The following GSK3B variants were observed in gnomAD, a reference collection of about 807,000 sequenced individuals.
GSK3B encodes glycogen synthase kinase-3 beta.
In GSK3B, 15 loss-of-function variants were observed where a neutral mutation model predicts 56.4. That is an observed-to-expected ratio of 0.27 (90% CI 0.18 to 0.41). The LOEUF is 0.41. Ranked by LOEUF, GSK3B falls within the 10% of genes least tolerant of loss-of-function variation. GSK3B has a pLI of 1.00. For synonymous variants in GSK3B, 181 were observed against 188.9 expected (o/e 0.96, Z 0.34); for missense variants, 300 against 513.4 (o/e 0.58, Z 4.02).
intron 2 of GSK3B, among the ~76,000 whole-genome samples, chr3:119,961,637 A>C (rs1363305516): frequency 6.6e-6 from 1 of 151,164 alleles, no homozygotes; most frequent in Middle Eastern, 3.2e-3. Flanking sequence ...ACAAACAAAA[A>C]AAAAAAAAAA....
chr3:119,843,229 A>G, intron 10 of GSK3B, 26 bp downstream of exon 10: 1 of 1,472,082 alleles, frequency 6.8e-7, no homozygotes, highest in Non-Finnish European at 9.4e-7. Context: ...ATATGTTTTT[A>G]TAGAAGAGAC....
intron 6 of GSK3B, among the ~76,000 whole-genome samples, chr3:119,907,442 G>T (rs2056693750): frequency 6.6e-6 from 1 of 152,114 alleles, no homozygotes; most frequent in African/African-American, 2.4e-5. Context: ...TATACTAGCA[G>T]CCCTCAATTC....
intron 1 of GSK3B, among the ~76,000 whole-genome samples, chr3:120,060,404 T>C (rs2058226714): frequency 6.6e-6 from 1 of 152,092 alleles, no homozygotes; most frequent in Non-Finnish European, 1.5e-5. Flanking sequence ...GGAACAAATT[T>C]CTTCAATTCT....
chr3:119,911,332 C>T (rs1402529015), intron 6 of GSK3B, among the ~76,000 whole-genome samples: 1 of 152,180 alleles, frequency 6.6e-6, no homozygotes, highest in Non-Finnish European at 1.5e-5. Flanking sequence ...AACAGATGTG[C>T]TATCATCCAC....
At chr3:120,079,639 C>T (rs1000810916) in intron 1 of GSK3B, among the ~76,000 whole-genome samples, 1 of 152,210 alleles carries the variant, frequency 6.6e-6, no homozygotes, top group Middle Eastern at 3.4e-3. Flanking sequence ...AAGTGATCCA[C>T]CCATCTCAAC....
rs1420099632 is a variant in GSK3B at position 119,876,467 on chromosome 3, G to A, written c.855C>T (p.Asn285=). 1.2e-6 allele frequency: 2 copies of A among 1,609,888 alleles called. No individual in the cohort carries two copies. Among genetic ancestry groups the A allele is most frequent in the Non-Finnish European group, 1.7e-6 (2 of 1,176,472 alleles). ...GGAATTTAAATTCTGTGTAGTTTGG[G>A]TTCATTTCTCTGATTTGCTCCCTTG... ...TPTREQIREM[N]PNYTEFKFPQ... The change falls in exon 8 of 11, where the codon AAC becomes AAT. Residue 285 remains asparagine (N), a synonymous_variant. Transcript: ENST00000264235.
chr3:119,938,330 A>G (rs2057015635), intron 3 of GSK3B, among the ~76,000 whole-genome samples: 1 of 152,122 alleles, frequency 6.6e-6, no homozygotes, highest in Admixed American at 6.5e-5. Context: ...CAAAAAAGAA[A>G]AATTACCAAC....
chr3:119,826,937 G>A, intron 10 of GSK3B, 82 bp from the exon 11 acceptor site: 1 of 837,862 alleles, frequency 1.2e-6, no homozygotes, highest in South Asian at 1.5e-5. Flanking sequence ...TCAACTGCAG[G>A]CTGTGAACTG....
At position 119,825,667 on chromosome 3, in the gene GSK3B, C is replaced by A. The variant is rs572310715; in HGVS notation, c.*1121G>T. The A allele has an allele frequency of 2.6e-5, 6 of 227,052 alleles. No homozygotes were observed. The highest frequency in any genetic ancestry group is 2.3e-4 in the Admixed American group (4 of 17,568). The allele number at this position is 227,052 out of a possible 1,614,324, so 14.1% of individuals were successfully genotyped here. ...ATGAGGTTAAAAAACAAATTAAATA[C>A]AGATTCTAGATTTGGATTTAAAATT... On this transcript the variant is annotated 3_prime_UTR_variant, in exon 11 of 11. Coordinates refer to ENST00000264235, the MANE Select transcript of GSK3B (RefSeq NM_001146156.2).
At chr3:119,905,614 C>T in intron 7 of GSK3B, 141 bp downstream of exon 7, 1 of 643,528 alleles carries the variant, frequency 1.6e-6, no homozygotes, top group Non-Finnish European at 2.8e-6. Flanking sequence ...CTTATACCCA[C>T]TTTATAGCTG....
intron 10 of GSK3B, among the ~76,000 whole-genome samples, chr3:119,838,931 T>TA (rs1299508979): frequency 1.3e-5 from 2 of 152,064 alleles, no homozygotes; most frequent in African/African-American, 2.4e-5. Context: ...TCAGCTCACA[T>TA]ACAGTTGCAG....
chr3:119,832,280 G>C (rs1437138514), intron 10 of GSK3B, among the ~76,000 whole-genome samples: 3 of 152,240 alleles, frequency 2.0e-5, no homozygotes, highest in African/African-American at 7.2e-5. Context: ...ACATGAATGA[G>C]AGCCACTGTG....
intron 3 of GSK3B, among the ~76,000 whole-genome samples, chr3:119,946,766 T>C (rs1392929785): frequency 6.6e-6 from 1 of 152,188 alleles, no homozygotes; most frequent in Non-Finnish European, 1.5e-5. Flanking sequence ...TAGGGATCAC[T>C]TAAAGTAAGC....
At chr3:119,922,771 C>T (rs1206061864) in intron 4 of GSK3B, among the ~76,000 whole-genome samples, 1 of 151,902 alleles carries the variant, frequency 6.6e-6, no homozygotes, top group East Asian at 1.9e-4. Context: ...TTTCACAATG[C>T]CATAGTTAAT....
At chr3:119,884,322 A>G (rs1237171382) in intron 7 of GSK3B, among the ~76,000 whole-genome samples, 3 of 152,196 alleles carry the variant, frequency 2.0e-5, no homozygotes, top group African/African-American at 7.2e-5. Context: ...TCACGGGAAG[A>G]GCAAGCCGAC....
At chr3:119,934,692 T>C (rs987904362) in intron 3 of GSK3B, among the ~76,000 whole-genome samples, 1 of 152,144 alleles carries the variant, frequency 6.6e-6, no homozygotes, top group Admixed American at 6.5e-5. Flanking sequence ...ATCTTAACAA[T>C]AGGGGAAACT....
In GSK3B at chr3:119,843,959, A is replaced by G. The variant is rs182632021; in HGVS notation, c.1097-606T>C. 7.5e-4 allele frequency among the ~76,000 whole-genome samples: 114 copies of G among 152,310 alleles called. No individual in the cohort carries two copies. The East Asian group carries it at 0.02, about 27-fold the overall frequency. ...CCTCAGCAAATGCCAAAGAACAGAA[A>G]TCATAACAAACAGTCTCTCAGACTA... On this transcript the variant is annotated intron_variant, in intron 9 of 10. Coordinates refer to ENST00000264235, the MANE Select transcript of GSK3B (RefSeq NM_001146156.2).
At chr3:119,997,837 C>G (rs994298592) in intron 2 of GSK3B, among the ~76,000 whole-genome samples, 1 of 152,088 alleles carries the variant, frequency 6.6e-6, no homozygotes, top group African/African-American at 2.4e-5. Context: ...ATTTGCCCAC[C>G]AGTGGGAAAA....
intron 7 of GSK3B, among the ~76,000 whole-genome samples, chr3:119,877,646 G>T (rs2056329698): frequency 6.6e-6 from 1 of 152,076 alleles, no homozygotes; most frequent in Non-Finnish European, 1.5e-5. Flanking sequence ...TGTATACAAG[G>T]AACTATGTTA....
Sources: gnomAD v4.1 joint callset for allele counts (sites outside exome capture counted in the v4.1 genomes callset) on GRCh38, gnomAD v4.1.1 for gene constraint, MANE v1.5 for transcripts, NCBI Gene and HGNC (gene_info 2026-07-23, HGNC 2026-07-21) for gene names.